Variants in WBP1L observed in about 807,000 individuals in gnomAD.
The protein encoded by WBP1L is WW domain binding protein 1-like.
In WBP1L, 17 loss-of-function variants were observed where a neutral mutation model predicts 33.7. The observed-to-expected ratio is 0.50, with a 90% CI of 0.34 to 0.76. WBP1L has a LOEUF of 0.76. Among genes scored for constraint, WBP1L ranks in the 30% least tolerant of loss-of-function variants. WBP1L has a pLI of 0.01. For missense variants in WBP1L, 389 were observed against 469.4 expected (o/e 0.83, Z 1.58); for synonymous variants, 173 against 190.8 (o/e 0.91, Z 0.77).
chr10:102,748,038 C>T (rs1008595531), intron 1 of WBP1L, among the ~76,000 whole-genome samples: 20 of 151,844 alleles, frequency 1.3e-4, no homozygotes, highest in African/African-American at 4.8e-4. Context: ...AGGCGGATCA[C>T]GAGATCAGGA....
chr10:102,756,270 C>T (rs1176101150), intron 1 of WBP1L, among the ~76,000 whole-genome samples: 1 of 151,994 alleles, frequency 6.6e-6, no homozygotes, highest in Non-Finnish European at 1.5e-5. Flanking sequence ...GTTAGCCAGG[C>T]ATGGTGGCGC....
At chr10:102,761,069 T>C (rs1477533525) in intron 1 of WBP1L, among the ~76,000 whole-genome samples, 1 of 151,768 alleles carries the variant, frequency 6.6e-6, no homozygotes, top group African/African-American at 2.4e-5. Context: ...TTTTATTTTT[T>C]AATTTTTTGT....
intron 1 of WBP1L, among the ~76,000 whole-genome samples, chr10:102,762,467 C>A (rs1365917836): frequency 6.6e-6 from 1 of 152,150 alleles, no homozygotes; most frequent in East Asian, 1.9e-4. Context: ...CAACAGTACC[C>A]TTAATCCCAT....
At chr10:102,803,652 A>G (rs1590191389) in intron 2 of WBP1L, among the ~76,000 whole-genome samples, 2 of 148,774 alleles carry the variant, frequency 1.3e-5, no homozygotes, top group South Asian at 2.1e-4. Flanking sequence ...TCTGTTGCCC[A>G]GGCTGGAGTG....
intron 2 of WBP1L, among the ~76,000 whole-genome samples, chr10:102,800,478 CT>C (rs1387883212): frequency 2.6e-5 from 4 of 152,136 alleles, no homozygotes; most frequent in Non-Finnish European, 4.4e-5. Flanking sequence ...ACCCCAAGGG[CT>C]TAAAGAAAGT....
At chr10:102,803,197 C>A (rs1843682553) in intron 2 of WBP1L, among the ~76,000 whole-genome samples, 1 of 152,194 alleles carries the variant, frequency 6.6e-6, no homozygotes. Flanking sequence ...TTCCCAAATT[C>A]AGGCCTTTTC....
At chr10:102,806,238 A>T (rs1042530692) in intron 2 of WBP1L, among the ~76,000 whole-genome samples, 7 of 37,118 alleles carry the variant, frequency 1.9e-4, no homozygotes, top group African/African-American at 3.6e-4. Flanking sequence ...AATAAAGTAA[A>T]AAAAAAAAAA....
chr10:102,810,361 T>TC (rs1564771057), intron 3 of WBP1L, among the ~76,000 whole-genome samples: 6 of 142,482 alleles, frequency 4.2e-5, no homozygotes, highest in African/African-American at 1.6e-4. Context: ...CTTCCTCCCT[T>TC]CCTCCCTCCC....
chr10:102,811,490 C>CACAATTGTTTCTTT (rs925810503), intron 3 of WBP1L, among the ~76,000 whole-genome samples: 3 of 152,176 alleles, frequency 2.0e-5, no homozygotes, highest in Non-Finnish European at 2.9e-5. Context: ...AATAAACTTT[C>CACAATTGTTTCTTT]ACAATTGTTT....
intron 1 of WBP1L, among the ~76,000 whole-genome samples, chr10:102,762,730 C>G (rs1056659960): frequency 2.0e-5 from 3 of 152,136 alleles, no homozygotes; most frequent in African/African-American, 7.2e-5. Context: ...CATAAATGTT[C>G]AGAGAAACGT....
Position 102,813,172 on chromosome 10 carries a change from G to A in WBP1L, c.933G>A (p.Arg311=). 6.2e-7 allele frequency: 1 copy of A among 1,613,916 alleles called. No homozygotes were observed. The highest frequency in any genetic ancestry group is 2.2e-5 in the East Asian group (1 of 44,860). ...ACTTCTGCGACAGCTGCCATGTGCGGCCCCCTGGTGATGAGGAGGAAGGCC... is the reference window on the plus strand; with the variant it reads ...ACTTCTGCGACAGCTGCCATGTGCGACCCCCTGGTGATGAGGAGGAAGGCC... ...PLDFCDSCHV[R]PPGDEEEGLC... Residue 311 remains arginine (R), a synonymous_variant, in exon 4 of 4, where the codon CGG becomes CGA. Coordinates refer to ENST00000448841, the MANE Select transcript of WBP1L (RefSeq NM_001083913.2).
At chr10:102,759,857 G>A (rs1312258123) in intron 1 of WBP1L, among the ~76,000 whole-genome samples, 1 of 152,178 alleles carries the variant, frequency 6.6e-6, no homozygotes, top group Non-Finnish European at 1.5e-5. Flanking sequence ...ATGTGGACTT[G>A]TTTTTAATTA....
intron 1 of WBP1L, among the ~76,000 whole-genome samples, chr10:102,756,270 C>G (rs1176101150): frequency 6.6e-6 from 1 of 151,994 alleles, no homozygotes; most frequent in Non-Finnish European, 1.5e-5. Flanking sequence ...GTTAGCCAGG[C>G]ATGGTGGCGC....
At chr10:102,758,217 C>A (rs1366930212) in intron 1 of WBP1L, among the ~76,000 whole-genome samples, 1 of 151,620 alleles carries the variant, frequency 6.6e-6, no homozygotes, top group East Asian at 1.9e-4. Context: ...TTATTAAGAT[C>A]TAATTCACAG....
chr10:102,797,107 A>C (rs1843583467), intron 1 of WBP1L, among the ~76,000 whole-genome samples: 1 of 152,206 alleles, frequency 6.6e-6, no homozygotes, highest in East Asian at 1.9e-4. Context: ...TTATCTGAGC[A>C]GTTCGGCCCT....
At chr10:102,750,386 C>T (rs978549393) in intron 1 of WBP1L, among the ~76,000 whole-genome samples, 1 of 151,438 alleles carries the variant, frequency 6.6e-6, no homozygotes, top group Non-Finnish European at 1.5e-5. Flanking sequence ...TAGAGTGAGA[C>T]CCTGTCTCAA....
At position 102,812,886 on chromosome 10, in the gene WBP1L, A is replaced by G; in HGVS notation, c.647A>G (p.Glu216Gly). The G allele has an allele frequency of 6.3e-7, 1 of 1,574,992 alleles. No individual in the cohort carries two copies. Among genetic ancestry groups the G allele is most frequent in the Non-Finnish European group, 8.6e-7 (1 of 1,158,350 alleles). Residue 216 changes from glutamate (E) to glycine (G), a missense_variant, in exon 4 of 4, where the codon GAG becomes GGG. By Grantham distance (98) the Glu-to-Gly change is moderately conservative. Coordinates refer to ENST00000448841, the MANE Select transcript of WBP1L (RefSeq NM_001083913.2). ...GCAGCCACCAAAGCCCCAGGGATGG[A>G]GCCCAGTGGCTCTGTGGCTGGCCTG... ...DRAATKAPGM[E>G]PSGSVAGLGE...
At chr10:102,747,392 C>T (rs1842876630) in intron 1 of WBP1L, among the ~76,000 whole-genome samples, 1 of 146,720 alleles carries the variant, frequency 6.8e-6, no homozygotes, top group African/African-American at 2.5e-5. Context: ...AATGAGAAAA[C>T]AGTAGATGCT....
chr10:102,804,932 C>G (rs1394933015), intron 2 of WBP1L, among the ~76,000 whole-genome samples: 1 of 152,108 alleles, frequency 6.6e-6, no homozygotes, highest in East Asian at 1.9e-4. Context: ...ACATGAAAAC[C>G]AATGCATGAG....
Sources: gnomAD v4.1 joint callset for allele counts (sites outside exome capture counted in the v4.1 genomes callset) on GRCh38, gnomAD v4.1.1 for gene constraint, MANE v1.5 for transcripts, NCBI Gene and HGNC (gene_info 2026-07-23, HGNC 2026-07-21) for gene names.